Variants in CCNY observed in about 807,000 individuals in gnomAD.
CCNY encodes cyclin-Y.
In CCNY, 19 loss-of-function variants were observed where a neutral mutation model predicts 42.8. The ratio of observed to expected loss-of-function variants is 0.44; its 90% CI spans 0.31 to 0.65. The LOEUF (loss-of-function observed/expected upper bound fraction) is 0.65, where lower values mean the gene tolerates loss of function less well. Ranked by LOEUF, CCNY falls within the 30% of genes least tolerant of loss-of-function variation. The pLI is 0.07. For missense variants in CCNY, 370 were observed against 437.3 expected, an observed-to-expected ratio of 0.85 and a Z score of 1.37; for synonymous variants, 165 against 162.7, an observed-to-expected ratio of 1.01 and a Z score of -0.11.
intron 1 of CCNY, among the ~76,000 whole-genome samples, chr10:35,406,237 A>ATTTT (rs1405505373): frequency 2.7e-4 from 26 of 96,062 alleles, no homozygotes; most frequent in African/African-American, 6.4e-4. Context: ...TTATTTATTT[A>ATTTT]TTTATTTTTT....
chr10:35,486,059 C>A (rs184858086), intron 2 of CCNY, among the ~76,000 whole-genome samples: 30 of 152,300 alleles, frequency 2.0e-4, no homozygotes, highest in African/African-American at 7.0e-4. Flanking sequence ...GACATCTTTA[C>A]AATGAAGGCT....
chr10:35,351,168 C>G lies in CCNY; in HGVS notation c.154+13961C>G, dbSNP rs1177403228. Among the ~76,000 whole-genome samples, 11 of 152,254 alleles carry G rather than the reference C, an allele frequency of 7.2e-5. No homozygotes were observed. In the South Asian group the frequency reaches 1.0e-3, roughly 14 times the overall value. The stretch of plus-strand genomic sequence containing the variant: ...CAAAGGGGACTGCCCAGGCCATTAC[C>G]ACAGGATTAAAAAGGCCCCTGCATG... On this transcript the variant is annotated intron_variant, in intron 1 of 9. Coordinates refer to ENST00000374704, the MANE Select transcript of CCNY (RefSeq NM_145012.6).
intron 1 of CCNY, among the ~76,000 whole-genome samples, chr10:35,359,159 A>C (rs890792694): frequency 2.0e-5 from 3 of 152,254 alleles, no homozygotes; most frequent in Non-Finnish European, 4.4e-5. Context: ...ATGTCTCCAC[A>C]TAACAGATAA....
At chr10:35,352,351 A>G (rs1836447222) in intron 1 of CCNY, among the ~76,000 whole-genome samples, 1 of 152,216 alleles carries the variant, frequency 6.6e-6, no homozygotes, top group Admixed American at 6.5e-5. Context: ...TGTTTGTGGA[A>G]TGTGTTCTCT....
rs569807189 is a variant in CCNY, at chr10:35,503,005, C to T, written c.264+1470C>T. ...GAAAGAGGAGGATAGGAGTTTGTGT[C>T]GCTCTGTTATCATTGTAGCTGATGA... On this transcript the variant is annotated intron_variant, in intron 3 of 9. Transcript: ENST00000374704. Among the ~76,000 whole-genome samples, 15 of 152,244 alleles carry T rather than the reference C, an allele frequency of 9.9e-5. No individual in the cohort carries two copies. In the East Asian group the frequency reaches 2.3e-3, roughly 24 times the overall value.
intron 1 of CCNY, among the ~76,000 whole-genome samples, chr10:35,460,836 A>G (rs1839142558): frequency 6.6e-6 from 1 of 152,200 alleles, no homozygotes; most frequent in Non-Finnish European, 1.5e-5. Context: ...TTACTCAGTC[A>G]TTTATAGAGC....
At position 35,310,278 on chromosome 10, in the gene CCNY, T is replaced by C. The variant is rs142975881; in HGVS notation, c.-9+59652T>C. ...GATTTCATCTTTTATGGCTGAATAA[T>C]AGTCCATCATGTATATGTACCATAT... On this transcript the variant is annotated intron_variant, in intron 3 of 11. Coordinates refer to the CCNY transcript ENST00000374706. Among the ~76,000 whole-genome samples, 647 of 152,370 alleles carry C rather than the reference T, an allele frequency of 4.2e-3. 7 individuals carry two copies. The highest frequency in any genetic ancestry group is 0.015 in the African/African-American group (616 of 41,588).
At chr10:35,258,936 A>C (rs1257989690) in intron 3 of CCNY, among the ~76,000 whole-genome samples, 1 of 150,876 alleles carries the variant, frequency 6.6e-6, no homozygotes, top group Non-Finnish European at 1.5e-5. Flanking sequence ...ACTGTCTTAA[A>C]AAAAAAAAAA....
chr10:35,361,978 G>T (rs966114866), intron 1 of CCNY, among the ~76,000 whole-genome samples: 1 of 152,090 alleles, frequency 6.6e-6, no homozygotes, highest in Non-Finnish European at 1.5e-5. Context: ...GCTTTCTGAT[G>T]GTTCACTGTA....
upstream of CCNY, among the ~76,000 whole-genome samples, chr10:35,335,076 C>A (rs937607279): frequency 6.7e-6 from 1 of 148,774 alleles, no homozygotes; most frequent in African/African-American, 2.5e-5. Context: ...ACCCCCCCAC[C>A]CCACAAGACT....
chr10:35,535,313 T>C (rs1026529341), intron 7 of CCNY, among the ~76,000 whole-genome samples: 4 of 151,994 alleles, frequency 2.6e-5, no homozygotes, highest in African/African-American at 7.3e-5. Context: ...GATGTTCCAG[T>C]AGATAACCTC....
intron 1 of CCNY, among the ~76,000 whole-genome samples, chr10:35,408,048 TAAGAG>T (rs1196262061): frequency 6.6e-6 from 1 of 152,058 alleles, no homozygotes; most frequent in African/African-American, 2.4e-5. Flanking sequence ...GAGTTGAAAT[TAAGAG>T]AAGGGAGAGA....
At chr10:35,422,715 T>A (rs1023693448) in intron 1 of CCNY, among the ~76,000 whole-genome samples, 24 of 152,212 alleles carry the variant, frequency 1.6e-4, no homozygotes, top group African/African-American at 5.8e-4. Flanking sequence ...TATTTGCTTA[T>A]TTTTTTGTCA....
rs374435403 is a variant in CCNY, at chr10:35,513,698, C to T, written c.265-2825C>T. On this transcript the variant is annotated intron_variant, in intron 3 of 9. Coordinates refer to ENST00000374704, the MANE Select transcript of CCNY (RefSeq NM_145012.6). ...GAGGCCAGGTAACTTGCCCAGGCCACGCAGCTAGTTATGTCCAAGTCAGAT... is the reference window on the plus strand; with the variant it reads ...GAGGCCAGGTAACTTGCCCAGGCCATGCAGCTAGTTATGTCCAAGTCAGAT... 3.7e-4 allele frequency among the ~76,000 whole-genome samples: 56 copies of T among 152,242 alleles called. 1 individual carries two copies. Among genetic ancestry groups the T allele is most frequent in the African/African-American group, 1.2e-3 (51 of 41,526 alleles).
At chr10:35,431,616 T>G (rs1234707496) in intron 1 of CCNY, among the ~76,000 whole-genome samples, 2 of 151,856 alleles carry the variant, frequency 1.3e-5, no homozygotes, top group Non-Finnish European at 2.9e-5. Context: ...TGCTGTATTT[T>G]TAACTTCGTT....
chr10:35,375,425 G>A (rs1201240559), intron 1 of CCNY, among the ~76,000 whole-genome samples: 1 of 152,126 alleles, frequency 6.6e-6, no homozygotes, highest in Non-Finnish European at 1.5e-5. Flanking sequence ...ATTATGTTGG[G>A]TCCACCTGGA....
intron 7 of CCNY, among the ~76,000 whole-genome samples, chr10:35,547,022 C>A (rs79040696): frequency 7.2e-5 from 11 of 152,068 alleles, no homozygotes; most frequent in African/African-American, 2.7e-4. Context: ...TAGGCCCAGT[C>A]CCTGTTTTCT....
chr10:35,337,528 G>C (rs1159818577), intron 1 of CCNY, among the ~76,000 whole-genome samples: 2 of 152,338 alleles, frequency 1.3e-5, no homozygotes, highest in African/African-American at 4.8e-5. Flanking sequence ...GAGCTGGGTG[G>C]GGGCGGCCCG....
rs115113299 is a variant in CCNY, at chr10:35,547,767, C to T, written c.580-5252C>T. ...ATGCCCATGATGCATTCAGGGAGCA[C>T]GCTCTGCCGGCCCCTGGGCTAGATG... On this transcript the variant is annotated intron_variant, in intron 7 of 9. Coordinates refer to ENST00000374704, the MANE Select transcript of CCNY (RefSeq NM_145012.6). Among the ~76,000 whole-genome samples, 124 of 152,258 alleles carry T rather than the reference C, an allele frequency of 8.1e-4. 1 individual carries two copies. Among genetic ancestry groups the T allele is most frequent in the African/African-American group, 2.7e-3 (114 of 41,542 alleles).
Sources: allele counts gnomAD v4.1 joint callset (sites outside exome capture counted in the v4.1 genomes callset), GRCh38; gene constraint gnomAD v4.1.1; transcripts MANE v1.5; gene names NCBI Gene and HGNC (gene_info 2026-07-23, HGNC 2026-07-21).